Variants in ADK observed in about 807,000 individuals in gnomAD.
The protein encoded by ADK is adenosine kinase, also known as N6,N6-dimethyladenosine kinase.
ADK carries 24 observed loss-of-function variants against 44.7 expected under a neutral mutation model. The ratio of observed to expected loss-of-function variants is 0.54; its 90% CI spans 0.39 to 0.76. The LOEUF is 0.76. Ranked by LOEUF, ADK falls within the 30% of genes least tolerant of loss-of-function variation. ADK has a pLI of 0.00. For synonymous variants in ADK, 128 were observed against 142.6 expected, an observed-to-expected ratio of 0.90 and a Z score of 0.73; for missense variants, 321 against 425.1, an observed-to-expected ratio of 0.76 and a Z score of 2.15.
intron 10 of ADK, among the ~76,000 whole-genome samples, chr10:74,692,719 G>A (rs1856038369): frequency 1.3e-5 from 2 of 152,064 alleles, no homozygotes; most frequent in African/African-American, 2.4e-5. Flanking sequence ...GTTTAGATAT[G>A]TATAGATACA....
intron 9 of ADK, among the ~76,000 whole-genome samples, chr10:74,625,559 C>T (rs1170199160): frequency 6.6e-6 from 1 of 151,970 alleles, no homozygotes; most frequent in Non-Finnish European, 1.5e-5. Flanking sequence ...TTTATAAAGC[C>T]CTGTTTCAGA....
chr10:74,624,749 A>T (rs1055598847), intron 9 of ADK, among the ~76,000 whole-genome samples: 1 of 152,070 alleles, frequency 6.6e-6, no homozygotes, highest in African/African-American at 2.4e-5. Flanking sequence ...TGCTATTAAT[A>T]ATACTAGGAC....
intron 4 of ADK, among the ~76,000 whole-genome samples, chr10:74,388,754 G>T (rs961896149): frequency 3.3e-5 from 5 of 152,062 alleles, no homozygotes; most frequent in Non-Finnish European, 7.4e-5. Context: ...CATTTATGTG[G>T]ATTCCTTATG....
chr10:74,660,266 C>T (rs143340244), intron 9 of ADK, among the ~76,000 whole-genome samples: 297 of 152,202 alleles, frequency 2.0e-3, no homozygotes, highest in African/African-American at 6.9e-3. Context: ...ATAGCTGGGG[C>T]TACAGGAATG....
chr10:74,446,823 G>C (rs573722903), intron 6 of ADK, among the ~76,000 whole-genome samples: 1 of 152,118 alleles, frequency 6.6e-6, no homozygotes, highest in African/African-American at 2.4e-5. Context: ...TGTTAACATT[G>C]ATTTTAAAAT....
chr10:74,372,229 C>G, intron 4 of ADK: 1 of 761,296 alleles, frequency 1.3e-6, no homozygotes, highest in African/African-American at 1.7e-5. Context: ...TGGACTGCTC[C>G]AGCTCCTGAG....
chr10:74,611,533 C>T (rs1369510062), intron 9 of ADK, among the ~76,000 whole-genome samples: 1 of 139,714 alleles, frequency 7.2e-6, no homozygotes, highest in Non-Finnish European at 1.5e-5. Context: ...GGGTGTGATA[C>T]TTTTTCAGGG....
At chr10:74,649,475 A>G (rs1854179630) in intron 9 of ADK, among the ~76,000 whole-genome samples, 1 of 152,014 alleles carries the variant, frequency 6.6e-6, no homozygotes, top group Non-Finnish European at 1.5e-5. Context: ...AATTAAAACA[A>G]TTAGCCAGGT....
intron 3 of ADK, among the ~76,000 whole-genome samples, chr10:74,302,366 C>T (rs542207797): frequency 1.3e-5 from 2 of 151,608 alleles, no homozygotes; most frequent in South Asian, 4.2e-4. Context: ...AGGCAATCAG[C>T]CCACCTCAGC....
At chr10:74,327,729 G>A (rs1841069626) in intron 4 of ADK, among the ~76,000 whole-genome samples, 1 of 151,762 alleles carries the variant, frequency 6.6e-6, no homozygotes, top group South Asian at 2.1e-4. Context: ...ATGTACCGCT[G>A]AACCTAAAAT....
chr10:74,701,809 G>C (rs1175554179), intron 10 of ADK, among the ~76,000 whole-genome samples: 1 of 152,074 alleles, frequency 6.6e-6, no homozygotes, highest in Non-Finnish European at 1.5e-5. Flanking sequence ...GCCAGGCATG[G>C]TGGCTCATGT....
chr10:74,394,028 A>G lies in ADK; in HGVS notation c.274-113A>G. 5.5e-6 allele frequency: 6 copies of G among 1,084,974 alleles called. No homozygotes were observed. The South Asian group carries it at 7.5e-5, about 14-fold the overall frequency. 67.2% of individuals were successfully genotyped at this position (1,084,974 alleles called of 1,614,324 possible). A position where few individuals can be genotyped will look rare whatever the true frequency, so the allele number is the denominator to read the frequency against. On this transcript the variant is annotated intron_variant, in intron 4 of 10. Transcript: ENST00000539909. ...GCACAGAATTGAAATCCCATTCATAACAGCTACAGTTTCTCACAAAGCATT... is the reference window on the plus strand; with the variant it reads ...GCACAGAATTGAAATCCCATTCATAGCAGCTACAGTTTCTCACAAAGCATT...
intron 1 of ADK, among the ~76,000 whole-genome samples, chr10:74,171,414 T>C (rs756255504): frequency 6.6e-6 from 1 of 152,204 alleles, no homozygotes; most frequent in African/African-American, 2.4e-5. Flanking sequence ...ACTTTGCTAT[T>C]ATTTTGGGGC....
At chr10:74,159,198 A>AT (rs1415423114) in intron 1 of ADK, among the ~76,000 whole-genome samples, 8 of 152,140 alleles carry the variant, frequency 5.3e-5, no homozygotes, top group African/African-American at 1.9e-4. Context: ...TTCTATTTGC[A>AT]TTTTTACTTT....
intron 4 of ADK, among the ~76,000 whole-genome samples, chr10:74,393,482 AT>A (rs1843408880): frequency 6.6e-6 from 1 of 152,174 alleles, no homozygotes; most frequent in Non-Finnish European, 1.5e-5. Context: ...TTTTAAAAGA[AT>A]TTTTTTAGAT....
intron 3 of ADK, among the ~76,000 whole-genome samples, chr10:74,276,470 A>G (rs1846684140): frequency 6.6e-6 from 1 of 152,206 alleles, no homozygotes; most frequent in African/African-American, 2.4e-5. Flanking sequence ...TCAGATAACA[A>G]ATTGACACAA....
intron 1 of ADK, among the ~76,000 whole-genome samples, chr10:74,163,125 C>G (rs1055143939): frequency 6.6e-6 from 1 of 152,090 alleles, no homozygotes. Context: ...CGCTACCACA[C>G]CTGGCTAATT....
chr10:74,261,372 C>G (rs1272475739), intron 3 of ADK, among the ~76,000 whole-genome samples: 1 of 152,078 alleles, frequency 6.6e-6, no homozygotes, highest in Non-Finnish European at 1.5e-5. Flanking sequence ...GGAAGTTTCT[C>G]TCCTTCAGCC....
chr10:74,298,028 G>C (rs1272615961), intron 3 of ADK, among the ~76,000 whole-genome samples: 1 of 152,162 alleles, frequency 6.6e-6, no homozygotes, highest in Admixed American at 6.5e-5. Flanking sequence ...AACAAGAAAA[G>C]GAGAAAATCT....
Sources: allele counts gnomAD v4.1 joint callset (sites outside exome capture counted in the v4.1 genomes callset), GRCh38; gene constraint gnomAD v4.1.1; transcripts MANE v1.5; gene names NCBI Gene and HGNC (gene_info 2026-07-23, HGNC 2026-07-21).